Variants in NWD2 observed in about 807,000 individuals in gnomAD.
The protein encoded by NWD2 is NACHT and WD repeat domain containing 2, also known as NACHT and WD repeat domain-containing protein 2.
In NWD2, 37 loss-of-function variants were observed where a neutral mutation model predicts 132.7. The ratio of observed to expected loss-of-function variants is 0.28; its 90% CI spans 0.21 to 0.37. NWD2 has a LOEUF of 0.37. Ranked by LOEUF, NWD2 falls within the 10% of genes least tolerant of loss-of-function variation. NWD2 has a pLI of 1.00. For synonymous variants in NWD2, 705 were observed against 803.0 expected, an observed-to-expected ratio of 0.88 and a Z score of 2.06; for missense variants, 1,592 against 2,122.4, an observed-to-expected ratio of 0.75 and a Z score of 4.91.
intron 3 of NWD2, among the ~76,000 whole-genome samples, chr4:37,425,378 T>C (rs1056347682): frequency 6.6e-6 from 1 of 152,324 alleles, no homozygotes; most frequent in East Asian, 1.9e-4. Context: ...TATTTGAGTG[T>C]TGTATTGTTG....
intron 2 of NWD2, among the ~76,000 whole-genome samples, 159 bp from the exon 3 acceptor site, chr4:37,356,207 T>C (rs1441045052): frequency 1.3e-5 from 2 of 152,220 alleles, no homozygotes; most frequent in South Asian, 2.1e-4. Flanking sequence ...CAACCCATCA[T>C]GGAATGAAAA....
At chr4:37,395,584 C>CA (rs1156884728) in intron 3 of NWD2, among the ~76,000 whole-genome samples, 633 of 18,244 alleles carry the variant, frequency 0.035, 103 homozygotes, top group African/African-American at 0.081. Context: ...AACTCTGTCT[C>CA]AAAAAAAAAA....
chr4:37,372,740 G>A (rs187505208), intron 3 of NWD2, among the ~76,000 whole-genome samples: 6 of 152,236 alleles, frequency 3.9e-5, no homozygotes, highest in African/African-American at 7.2e-5. Context: ...ATCTACTGCC[G>A]CGTATCTTAA....
intron 3 of NWD2, among the ~76,000 whole-genome samples, chr4:37,384,573 C>T (rs1720521103): frequency 1.3e-5 from 2 of 152,170 alleles, no homozygotes; most frequent in African/African-American, 4.8e-5. Flanking sequence ...AATAATGCTG[C>T]CTCCTTGGGC....
intron 2 of NWD2, among the ~76,000 whole-genome samples, chr4:37,338,688 T>C (rs76469704): frequency 6.6e-6 from 1 of 152,342 alleles, no homozygotes; most frequent in African/African-American, 2.4e-5. Context: ...AATTTCTGAA[T>C]TGGGCAATCA....
intron 3 of NWD2, among the ~76,000 whole-genome samples, chr4:37,417,247 A>G (rs927052082): frequency 1.3e-5 from 2 of 152,180 alleles, no homozygotes; most frequent in African/African-American, 4.8e-5. Context: ...AATATTCATC[A>G]GGAAAGAAAT....
chr4:37,372,006 T>C (rs937223527), intron 3 of NWD2, among the ~76,000 whole-genome samples: 1 of 152,192 alleles, frequency 6.6e-6, no homozygotes, highest in Non-Finnish European at 1.5e-5. Context: ...TGTATTTAAA[T>C]AAGGCAATTA....
chr4:37,256,196 T>G (rs754061222), intron 1 of NWD2, among the ~76,000 whole-genome samples: 29 of 152,166 alleles, frequency 1.9e-4, no homozygotes, highest in Non-Finnish European at 3.2e-4. Context: ...TCCTTATGTG[T>G]GCAGTATATA....
chr4:37,274,481 C>G (rs981086157), intron 1 of NWD2, among the ~76,000 whole-genome samples: 2 of 152,168 alleles, frequency 1.3e-5, no homozygotes, highest in African/African-American at 4.8e-5. Context: ...GACAGATTGA[C>G]AGCCGAATTC....
chr4:37,315,017 A>C (rs1221002154), intron 1 of NWD2, among the ~76,000 whole-genome samples: 1 of 152,168 alleles, frequency 6.6e-6, no homozygotes, highest in Admixed American at 6.5e-5. Flanking sequence ...ATGAGTAATA[A>C]TGTCAAATAT....
intron 2 of NWD2, among the ~76,000 whole-genome samples, chr4:37,334,349 C>A (rs1719355489): frequency 6.6e-6 from 1 of 152,228 alleles, no homozygotes. Flanking sequence ...GTTTTCAACT[C>A]TTCCCCACGT....
At chr4:37,266,372 ATACATACCAAGT>A (rs1717751834) in intron 1 of NWD2, among the ~76,000 whole-genome samples, 1 of 152,124 alleles carries the variant, frequency 6.6e-6, no homozygotes, top group Non-Finnish European at 1.5e-5. Context: ...TTCTCCCTGC[ATACATACCAAGT>A]TCTGTCAGAT....
intron 3 of NWD2, among the ~76,000 whole-genome samples, chr4:37,420,073 C>T (rs1276368847): frequency 6.6e-6 from 1 of 152,174 alleles, no homozygotes; most frequent in Non-Finnish European, 1.5e-5. Flanking sequence ...GATCTTATCA[C>T]ATTTGTGCTT....
intron 1 of NWD2, among the ~76,000 whole-genome samples, chr4:37,313,870 T>C (rs962666650): frequency 6.6e-6 from 1 of 150,808 alleles, no homozygotes; most frequent in Non-Finnish European, 1.5e-5. Flanking sequence ...TCCTAATTGT[T>C]GTATTTTAGT....
At chr4:37,417,478 A>T (rs545458390) in intron 3 of NWD2, among the ~76,000 whole-genome samples, 2 of 152,330 alleles carry the variant, frequency 1.3e-5, no homozygotes, top group East Asian at 3.8e-4. Context: ...TATATAACAA[A>T]TGTATAAAAA....
At chr4:37,430,511 T>G in intron 3 of NWD2, 61 bp from the exon 4 acceptor site, 3 of 1,157,490 alleles carry the variant, frequency 2.6e-6, no homozygotes, top group Non-Finnish European at 3.8e-6. Context: ...CCATGTGATG[T>G]GAATACTAAA....
chr4:37,323,073 C>G (rs1719100836), intron 1 of NWD2, among the ~76,000 whole-genome samples: 1 of 152,050 alleles, frequency 6.6e-6, no homozygotes, highest in South Asian at 2.1e-4. Flanking sequence ...TTTTCTAACC[C>G]CTCTGCCCTT....
At chr4:37,304,490 A>G (rs925625125) in intron 1 of NWD2, among the ~76,000 whole-genome samples, 5 of 152,220 alleles carry the variant, frequency 3.3e-5, no homozygotes, top group African/African-American at 1.2e-4. Context: ...CTCTGAGACA[A>G]GGCAAGTCTC....
At chr4:37,311,790 T>C (rs1718847684) in intron 1 of NWD2, among the ~76,000 whole-genome samples, 1 of 149,388 alleles carries the variant, frequency 6.7e-6, no homozygotes, top group South Asian at 2.1e-4. Context: ...TAATCCATCT[T>C]GAATTAATTT....
Sources: allele counts gnomAD v4.1 joint callset (sites outside exome capture counted in the v4.1 genomes callset), GRCh38; gene constraint gnomAD v4.1.1; transcripts MANE v1.5; gene names NCBI Gene and HGNC (gene_info 2026-07-23, HGNC 2026-07-21).